Variants in WASHC2A observed in about 807,000 individuals in gnomAD.
WASHC2A encodes the protein WASH complex subunit FAM21A.
Under a neutral mutation model 140.3 loss-of-function variants are expected in WASHC2A, and 82 were observed. The ratio of observed to expected loss-of-function variants is 0.58; its 90% CI spans 0.49 to 0.70. The LOEUF is 0.70. Ranked by LOEUF, WASHC2A falls within the 30% of genes least tolerant of loss-of-function variation. The pLI, the probability that WASHC2A is intolerant of heterozygous loss-of-function variation, is 0.00. For missense variants in WASHC2A, 985 were observed against 1,521.8 expected, an observed-to-expected ratio of 0.65 and a Z score of 5.87; for synonymous variants, 340 against 560.8, an observed-to-expected ratio of 0.61 and a Z score of 5.56.
At chr10:50,094,635 T>C (rs1261485690) in intron 13 of WASHC2A, among the ~76,000 whole-genome samples, 6 of 152,314 alleles carry the variant, frequency 3.9e-5, no homozygotes, top group Non-Finnish European at 8.8e-5. Flanking sequence ...TCCTTGTGCC[T>C]GCTGTGCGGG....
At chr10:50,124,103 G>C (rs1388268209) in intron 23 of WASHC2A, among the ~76,000 whole-genome samples, 1 of 151,250 alleles carries the variant, frequency 6.6e-6, no homozygotes, top group Non-Finnish European at 1.5e-5. Flanking sequence ...TTTTTGTTTT[G>C]TTTTGTTTTG....
In WASHC2A at chr10:50,092,879, A is replaced by C. The variant is rs1244875124; in HGVS notation, c.1004-389A>C. 2.6e-5 allele frequency among the ~76,000 whole-genome samples: 4 copies of C among 152,066 alleles called. No individual in the cohort carries two copies. The South Asian group carries it at 8.3e-4, about 32-fold the overall frequency. ...TGCAAACAGCCATGTCCATTACATT[A>C]GACTTGTCCCTGTGTCAGTTTGCAG... is the stretch of plus-strand genomic sequence containing the variant. On this transcript the variant is annotated intron_variant, in intron 11 of 30. Coordinates refer to ENST00000282633, the MANE Select transcript of WASHC2A (RefSeq NM_001005751.3).
intron 17 of WASHC2A, among the ~76,000 whole-genome samples, chr10:50,101,348 C>T (rs1336936511): frequency 0.019 from 2,746 of 148,116 alleles, no homozygotes; most frequent in East Asian, 0.021. Flanking sequence ...CCTCACTCTT[C>T]GATTTCTCTG....
chr10:50,080,202 G>T (rs1467478891), intron 4 of WASHC2A, among the ~76,000 whole-genome samples: 1 of 152,138 alleles, frequency 6.6e-6, no homozygotes, highest in Non-Finnish European at 1.5e-5. Flanking sequence ...CTTGAGTGGG[G>T]CATTGTTGTA....
chr10:50,095,254 T>C, intron 14 of WASHC2A, 47 bp downstream of exon 14: 2 of 1,436,594 alleles, frequency 1.4e-6, no homozygotes, highest in Admixed American at 2.4e-5. Flanking sequence ...AAATACTGTT[T>C]TTTGCATTTC....
In WASHC2A at chr10:50,106,517, A is replaced by G. The variant is rs782738940; in HGVS notation, c.1869+52A>G. The G allele has an allele frequency of 1.9e-6, 3 of 1,603,398 alleles. No homozygotes were observed. In the Admixed American group the frequency reaches 5.1e-5, roughly 28 times the overall value. ...AGGGGATTATTTCATGGGATTTAAG[A>G]GTTAAAGCCATCCCAAGTCTTTTTC... is the stretch of plus-strand genomic sequence containing the variant. On this transcript the variant is annotated intron_variant, in intron 19 of 30. Coordinates refer to ENST00000282633, the MANE Select transcript of WASHC2A (RefSeq NM_001005751.3).
At chr10:50,124,975 T>G in intron 23 of WASHC2A, 138 bp from the exon 24 acceptor site, 1 of 1,064,686 alleles carries the variant, frequency 9.4e-7, no homozygotes, top group Non-Finnish European at 1.3e-6. Flanking sequence ...CTGAGTGGCT[T>G]TTAGGCTGTG....
At chr10:50,072,105 T>C (rs1224941575) in intron 3 of WASHC2A, among the ~76,000 whole-genome samples, 4 of 142,686 alleles carry the variant, frequency 2.8e-5, no homozygotes, top group Non-Finnish European at 6.1e-5. Flanking sequence ...AGAGATGGGG[T>C]TTCACCATGT....
Position 50,074,809 on chromosome 10 carries a change from G to A in WASHC2A, c.292-3866G>A, listed in dbSNP as rs557132264. On this transcript the variant is annotated intron_variant, in intron 3 of 30. Transcript: ENST00000282633. ...CAGGCGCCTGTAGTCCCAGCTACTCGGGAGCTTGAGGCAGGAGAAGGGCGT... is the reference window on the plus strand; with the variant it reads ...CAGGCGCCTGTAGTCCCAGCTACTCAGGAGCTTGAGGCAGGAGAAGGGCGT... Among the ~76,000 whole-genome samples, 55 of 152,226 alleles carry A rather than the reference G, an allele frequency of 3.6e-4. 1 individual carries two copies. The highest frequency in any genetic ancestry group is 1.6e-3 in the Admixed American group (25 of 15,282).
At position 50,133,235 on chromosome 10, in the gene WASHC2A, C is replaced by T. The variant is rs889683705; in HGVS notation, c.*290C>T. 7.0e-6 allele frequency: 4 copies of T among 571,964 alleles called. No homozygotes were observed. The highest frequency in any genetic ancestry group is 9.6e-6 in the Non-Finnish European group (3 of 313,406). 35.4% of individuals were successfully genotyped at this position (571,964 alleles called of 1,614,324 possible). On this transcript the variant is annotated 3_prime_UTR_variant, in exon 31 of 31. Transcript: ENST00000282633. ...CTTCAGGGTGTGTAAAAGAAGAAAT[C>T]TCTTTGTGGCTTTCATGGGCAGGGA...
chr10:50,107,719 C>T (rs1589244049), intron 19 of WASHC2A, among the ~76,000 whole-genome samples: 4 of 150,562 alleles, frequency 2.7e-5, no homozygotes, highest in South Asian at 4.3e-4. Flanking sequence ...GTTGGGAGTT[C>T]GAGACCAGCC....
rs1482909394 is a variant in WASHC2A, at chr10:50,079,057, A to G, written c.354+320A>G. Among the ~76,000 whole-genome samples, 1,316 of 150,160 alleles carry G rather than the reference A, an allele frequency of 8.8e-3. 23 individuals are homozygous for G. Among genetic ancestry groups the G allele is most frequent in the African/African-American group, 0.03 (1,233 of 40,584 alleles). On this transcript the variant is annotated intron_variant, in intron 4 of 30. Coordinates refer to ENST00000282633, the MANE Select transcript of WASHC2A (RefSeq NM_001005751.3). ...TTTCCTGTGGCTTCCTGAGTTACAG[A>G]TGGACCAGCCTTCTTCCTGAGATCT...
chr10:50,133,358 G>C lies in WASHC2A; in HGVS notation c.*413G>C. The C allele has an allele frequency of 2.1e-6, 1 of 482,962 alleles. No individual in the cohort carries two copies. Among genetic ancestry groups the C allele is most frequent in the South Asian group, 1.5e-5 (1 of 64,614 alleles). The allele number at this position is 482,962 out of a possible 1,614,324, so 29.9% of individuals were successfully genotyped here. On this transcript the variant is annotated 3_prime_UTR_variant, in exon 31 of 31. Coordinates refer to ENST00000282633, the MANE Select transcript of WASHC2A (RefSeq NM_001005751.3). ...GGCAGGGGAAAGAGAAAGAAGGTGA[G>C]AGATTATACTTCATGAGTCTTAGCA... is the stretch of plus-strand genomic sequence containing the variant.
intron 17 of WASHC2A, among the ~76,000 whole-genome samples, chr10:50,102,387 A>G (rs1348751756): frequency 6.6e-6 from 1 of 152,154 alleles, no homozygotes; most frequent in Admixed American, 6.5e-5. Context: ...GTACCAAGAA[A>G]GGTATCAGTT....
At chr10:50,123,588 T>G (rs1843174857) in intron 23 of WASHC2A, among the ~76,000 whole-genome samples, 1 of 149,474 alleles carries the variant, frequency 6.7e-6, no homozygotes, top group Admixed American at 6.6e-5. Context: ...CAGGAATGGA[T>G]AATTACTGCT....
chr10:50,079,755 A>G (rs1426808706), intron 4 of WASHC2A, among the ~76,000 whole-genome samples: 1 of 152,138 alleles, frequency 6.6e-6, no homozygotes, highest in Non-Finnish European at 1.5e-5. Context: ...GTGCAGTAGT[A>G]TCTGGTTATA....
chr10:50,094,414 C>T (rs1460615796), intron 13 of WASHC2A, among the ~76,000 whole-genome samples: 2 of 147,802 alleles, frequency 1.4e-5, no homozygotes, highest in Non-Finnish European at 1.5e-5. Context: ...AGTGATCACC[C>T]GCCTAGACCT....
intron 16 of WASHC2A, 68 bp downstream of exon 16, chr10:50,097,870 C>T: frequency 6.2e-7 from 1 of 1,610,348 alleles, no homozygotes; most frequent in Admixed American, 1.7e-5. Flanking sequence ...ATCCTGAACC[C>T]AGAGGGAAGT....
At chr10:50,072,967 A>G (rs1166472181) in intron 3 of WASHC2A, among the ~76,000 whole-genome samples, 38 of 152,182 alleles carry the variant, frequency 2.5e-4, no homozygotes, top group Admixed American at 2.4e-3. Flanking sequence ...AAACTATATT[A>G]TAAAGTTAGT....
Sources: gnomAD v4.1 joint callset for allele counts (sites outside exome capture counted in the v4.1 genomes callset) on GRCh38, gnomAD v4.1.1 for gene constraint, MANE v1.5 for transcripts, NCBI Gene and HGNC (gene_info 2026-07-23, HGNC 2026-07-21) for gene names.